The following GRIN2A variants were observed in gnomAD, a reference collection of about 807,000 sequenced individuals.
GRIN2A encodes glutamate ionotropic receptor NMDA type subunit 2A.
GRIN2A carries 22 observed loss-of-function variants against 113.4 expected under a neutral mutation model. The observed-to-expected ratio is 0.19, with a 90% CI of 0.14 to 0.28. GRIN2A has a LOEUF of 0.28. GRIN2A is among the 10% of genes least tolerant of loss of function. The probability of loss-of-function intolerance (pLI) is 1.00; values close to 1 mark genes in which losing one functional copy is unlikely to be tolerated. For missense variants in GRIN2A, 1,502 were observed against 1,887.0 expected (o/e 0.80, Z 3.78); for synonymous variants, 827 against 738.4 (o/e 1.12, Z -1.94).
chr16:10,044,280 C>T (rs2047222536), intron 2 of GRIN2A, among the ~76,000 whole-genome samples: 1 of 151,986 alleles, frequency 6.6e-6, no homozygotes, highest in Admixed American at 6.6e-5. Context: ...GATCCACCCA[C>T]CTCGGCCTCC....
chr16:10,050,543 G>T (rs1255209675), intron 2 of GRIN2A, among the ~76,000 whole-genome samples: 2 of 151,790 alleles, frequency 1.3e-5, no homozygotes, highest in African/African-American at 2.4e-5. Flanking sequence ...AATGCCTGTT[G>T]ATCTATCACT....
At chr16:10,071,401 G>A (rs983761733) in intron 2 of GRIN2A, among the ~76,000 whole-genome samples, 2 of 152,146 alleles carry the variant, frequency 1.3e-5, no homozygotes, top group African/African-American at 4.8e-5. Flanking sequence ...CAATAATAGA[G>A]TCAAGGAGTC....
At position 10,014,672 on chromosome 16, in the gene GRIN2A, G is replaced by A. The variant is rs1015533204; in HGVS notation, c.415-76121C>T. Among the ~76,000 whole-genome samples the A allele has an allele frequency of 1.6e-4, 25 of 152,272 alleles. 1 individual carries two copies. Among genetic ancestry groups the A allele is most frequent in the South Asian group, 4.1e-4 (2 of 4,826 alleles). On this transcript the variant is annotated intron_variant, in intron 2 of 12. Coordinates refer to ENST00000330684, the MANE Select transcript of GRIN2A (RefSeq NM_001134407.3). ...GAGTTAACGAGATGAGGATGGCACA[G>A]GAGTCCCAGACAAAGGGAAACTCAT...
intron 2 of GRIN2A, among the ~76,000 whole-genome samples, chr16:9,976,574 A>G (rs1051941174): frequency 1.4e-4 from 21 of 152,226 alleles, no homozygotes; most frequent in Admixed American, 1.3e-3. Context: ...CCCTGAACCA[A>G]CTGAGACTCA....
chr16:10,103,707 C>G (rs2048442728), intron 2 of GRIN2A, among the ~76,000 whole-genome samples: 2 of 152,184 alleles, frequency 1.3e-5, no homozygotes, highest in African/African-American at 4.8e-5. Flanking sequence ...CTGACTACCT[C>G]CAGTGACAGA....
At chr16:9,939,826 A>T (rs137862322) in intron 2 of GRIN2A, among the ~76,000 whole-genome samples, 1 of 152,290 alleles carries the variant, frequency 6.6e-6, no homozygotes, top group East Asian at 1.9e-4. Context: ...AAAAATGCCA[A>T]CTAAACAGAA....
At chr16:10,095,665 G>A (rs2048274653) in intron 2 of GRIN2A, among the ~76,000 whole-genome samples, 1 of 151,636 alleles carries the variant, frequency 6.6e-6, no homozygotes, top group Admixed American at 6.6e-5. Flanking sequence ...AGGTTTCTAA[G>A]CAGGAAGCAT....
At chr16:9,795,078 G>A (rs550029989) in intron 11 of GRIN2A, among the ~76,000 whole-genome samples, 4 of 152,222 alleles carry the variant, frequency 2.6e-5, no homozygotes, top group East Asian at 1.9e-4. Flanking sequence ...TATCAGAGGC[G>A]TGTGAACCAG....
At chr16:9,798,539 C>G in intron 10 of GRIN2A, 75 bp from the exon 11 acceptor site, 1 of 1,084,562 alleles carries the variant, frequency 9.2e-7, no homozygotes, top group Non-Finnish European at 1.4e-6. Flanking sequence ...GAGGCCTGAT[C>G]CTGAAAGCAT....
intron 11 of GRIN2A, among the ~76,000 whole-genome samples, chr16:9,793,038 G>A (rs1024009512): frequency 6.6e-6 from 1 of 152,180 alleles, no homozygotes; most frequent in Non-Finnish European, 1.5e-5. Context: ...CTTTGTTTTA[G>A]GAAGATCCTC....
At chr16:10,023,733 G>A (rs528413031) in intron 2 of GRIN2A, among the ~76,000 whole-genome samples, 3 of 152,328 alleles carry the variant, frequency 2.0e-5, no homozygotes, top group African/African-American at 7.2e-5. Flanking sequence ...CCTACAAACA[G>A]AAATAATGTG....
At chr16:9,999,478 A>T (rs2046284637) in intron 2 of GRIN2A, among the ~76,000 whole-genome samples, 1 of 152,184 alleles carries the variant, frequency 6.6e-6, no homozygotes, top group African/African-American at 2.4e-5. Context: ...CATTCTCAGC[A>T]AACTAACACA....
At chr16:9,866,709 C>T (rs1001190617) in intron 4 of GRIN2A, among the ~76,000 whole-genome samples, 1 of 152,198 alleles carries the variant, frequency 6.6e-6, no homozygotes, top group East Asian at 1.9e-4. Flanking sequence ...TTCATAAACA[C>T]ATCCATACTT....
intron 2 of GRIN2A, among the ~76,000 whole-genome samples, chr16:9,980,144 A>C (rs1291138204): frequency 6.6e-6 from 1 of 151,872 alleles, no homozygotes; most frequent in African/African-American, 2.4e-5. Context: ...ATGGTGGTGC[A>C]CGCCTGCAGT....
chr16:9,940,057 A>AGTGT (rs1411329387), intron 2 of GRIN2A, among the ~76,000 whole-genome samples: 86 of 123,660 alleles, frequency 7.0e-4, no homozygotes, highest in Middle Eastern at 4.3e-3. Context: ...AGAGAGAGAG[A>AGTGT]GAGAGTGTGT....
chr16:10,153,891 G>A (rs1290514344), intron 2 of GRIN2A, among the ~76,000 whole-genome samples: 1 of 152,170 alleles, frequency 6.6e-6, no homozygotes, highest in Non-Finnish European at 1.5e-5. Context: ...CTGAATGCTG[G>A]AGGGGCATCG....
At chr16:10,074,119 A>G (rs67780046) in intron 2 of GRIN2A, among the ~76,000 whole-genome samples, 21,159 of 152,150 alleles carry the variant, frequency 0.14, 1,957 homozygotes, top group African/African-American at 0.26. Flanking sequence ...CTAAGCACAT[A>G]AAAATATGCT....
intron 2 of GRIN2A, among the ~76,000 whole-genome samples, chr16:9,962,543 C>A (rs2045463863): frequency 6.6e-6 from 1 of 152,022 alleles, no homozygotes; most frequent in South Asian, 2.1e-4. Flanking sequence ...CAGAGAAATG[C>A]AAATCAAAAC....
intron 2 of GRIN2A, among the ~76,000 whole-genome samples, chr16:9,995,252 C>G (rs1412672291): frequency 6.6e-6 from 1 of 152,166 alleles, no homozygotes. Flanking sequence ...AGAGGGAAAG[C>G]AAGGCTAAGC....
Sources: allele counts gnomAD v4.1 joint callset (sites outside exome capture counted in the v4.1 genomes callset), GRCh38; gene constraint gnomAD v4.1.1; transcripts MANE v1.5; gene names NCBI Gene and HGNC (gene_info 2026-07-23, HGNC 2026-07-21).